CRACDL: variants seen among roughly 807,000 people sequenced by gnomAD.
CRACDL encodes the protein CRACD like, also known as CRACD-like protein.
CRACDL carries 26 observed loss-of-function variants against 70.6 expected under a neutral mutation model. That is an observed-to-expected ratio of 0.37 (90% CI 0.27 to 0.51). The LOEUF (loss-of-function observed/expected upper bound fraction) is 0.51. Among genes scored for constraint, CRACDL ranks in the 20% least tolerant of loss-of-function variants. The pLI is 0.94. For synonymous variants in CRACDL, 618 were observed against 615.2 expected, an observed-to-expected ratio of 1.00 and a Z score of -0.07; for missense variants, 1,283 against 1,376.9, an observed-to-expected ratio of 0.93 and a Z score of 1.08.
chr2:98,846,151 CA>C (rs1559230697), intron 2 of CRACDL, among the ~76,000 whole-genome samples: 2 of 152,144 alleles, frequency 1.3e-5, no homozygotes, highest in African/African-American at 4.8e-5. Flanking sequence ...ACAACTCTAT[CA>C]GGACATAAAT....
intron 7 of CRACDL, among the ~76,000 whole-genome samples, chr2:98,800,471 T>A (rs1487842314): frequency 6.6e-6 from 1 of 152,116 alleles, no homozygotes; most frequent in African/African-American, 2.4e-5. Flanking sequence ...GTGTGGAGAA[T>A]CAGTCTGACT....
At chr2:98,844,302 T>A (rs1246584033) in intron 2 of CRACDL, among the ~76,000 whole-genome samples, 2 of 152,232 alleles carry the variant, frequency 1.3e-5, no homozygotes, top group Non-Finnish European at 2.9e-5. Context: ...GCTATGCCAC[T>A]TTTCCCTGGA....
intron 1 of CRACDL, among the ~76,000 whole-genome samples, chr2:98,911,675 C>A (rs1419015230): frequency 1.3e-5 from 2 of 152,124 alleles, no homozygotes; most frequent in African/African-American, 2.4e-5. Context: ...GCCAGCCCAC[C>A]CTGATTTTGT....
chr2:98,848,063 G>C (rs1406560141), intron 1 of CRACDL, among the ~76,000 whole-genome samples: 2 of 152,134 alleles, frequency 1.3e-5, no homozygotes, highest in Non-Finnish European at 2.9e-5. Flanking sequence ...AAAACTCTTG[G>C]AACCTCACCA....
chr2:98,875,532 T>C (rs532767475), intron 1 of CRACDL, among the ~76,000 whole-genome samples: 11 of 125,506 alleles, frequency 8.8e-5, no homozygotes, highest in Middle Eastern at 7.9e-3. Flanking sequence ...AAAGTCCCAG[T>C]TGACAGACAG....
At chr2:98,868,462 G>T (rs764562931) in intron 1 of CRACDL, among the ~76,000 whole-genome samples, 2 of 152,194 alleles carry the variant, frequency 1.3e-5, no homozygotes, top group Non-Finnish European at 2.9e-5. Flanking sequence ...TCAAGCCATA[G>T]CTCTATTTCC....
At chr2:98,850,128 G>T (rs547438397) in intron 1 of CRACDL, among the ~76,000 whole-genome samples, 1 of 152,336 alleles carries the variant, frequency 6.6e-6, no homozygotes, top group East Asian at 1.9e-4. Context: ...TCACTTCAAA[G>T]TCACCATTGT....
At chr2:98,935,724 G>A (rs1444580051) in intron 1 of CRACDL, among the ~76,000 whole-genome samples, 2 of 152,196 alleles carry the variant, frequency 1.3e-5, no homozygotes, top group African/African-American at 4.8e-5. Flanking sequence ...GCACTTGCAC[G>A]AGCGCGTCCG....
chr2:98,810,617 A>G (rs1202300029), intron 7 of CRACDL, among the ~76,000 whole-genome samples: 1 of 152,216 alleles, frequency 6.6e-6, no homozygotes, highest in Non-Finnish European at 1.5e-5. Flanking sequence ...ACTGGAGGAA[A>G]AAAAACACTG....
chr2:98,816,647 G>A (rs1290290532), intron 7 of CRACDL, among the ~76,000 whole-genome samples: 2 of 152,150 alleles, frequency 1.3e-5, no homozygotes, highest in African/African-American at 4.8e-5. Flanking sequence ...TCTTGCACGA[G>A]GGGAAATGAG....
Position 98,823,280 on chromosome 2 carries a change from G to T in CRACDL, c.993C>A (p.Asp331Glu). The T allele has an allele frequency of 2.1e-6, 3 of 1,414,966 alleles. No individual in the cohort carries two copies. The highest frequency in any genetic ancestry group is 1.5e-5 in the South Asian group (1 of 65,782). 87.7% of individuals were successfully genotyped at this position (1,414,966 alleles called of 1,614,324 possible). ...CCGGGGTGGCCGGGCGGCTTGAGGG[G>T]TCCTCCCCGGGGACGCCCCCCTCCT... is the stretch of plus-strand genomic sequence containing the variant. ...SVEEGGVPGE[D>E]PSSRPATPEL... The change falls in exon 7 of 10, where the codon GAC becomes GAA. Residue 331 changes from aspartate to glutamate, a missense_variant. Transcript: ENST00000397899. The surrounding 1 kb of genome is among the most constrained non-coding windows in gnomAD (Gnocchi z 4.0).
intron 1 of CRACDL, among the ~76,000 whole-genome samples, chr2:98,930,758 G>T (rs13390678): frequency 6.6e-6 from 1 of 152,180 alleles, no homozygotes; most frequent in African/African-American, 2.4e-5. Flanking sequence ...AATGCCATCA[G>T]ATCTCAGTTA....
intron 1 of CRACDL, among the ~76,000 whole-genome samples, chr2:98,878,236 C>T (rs749328752): frequency 5.9e-5 from 9 of 152,196 alleles, no homozygotes; most frequent in African/African-American, 9.6e-5. Flanking sequence ...CATGAGCCAC[C>T]GCACCCGGCC....
At position 98,864,539 on chromosome 2, in the gene CRACDL, G is replaced by A. The variant is rs1172367614; in HGVS notation, c.-10-17729C>T. On this transcript the variant is annotated intron_variant, in intron 1 of 9. Transcript: ENST00000397899. Reference sequence around the variant, plus strand: ...CACAACTCTTTAACAAAAACCCATTGATTGTACCCTTTTTTTTTTTTTTTT... The same window carrying A: ...CACAACTCTTTAACAAAAACCCATTAATTGTACCCTTTTTTTTTTTTTTTT... Among the ~76,000 whole-genome samples, 5 of 151,280 alleles carry A rather than the reference G, an allele frequency of 3.3e-5. No individual in the cohort carries two copies. The East Asian group carries it at 9.7e-4, about 29-fold the overall frequency.
chr2:98,936,010 G>C lies in CRACDL; in HGVS notation c.-83C>G, dbSNP rs1709198474. 6.6e-6 allele frequency: 1 copy of C among 152,056 alleles called. No homozygotes were observed. Among genetic ancestry groups the C allele is most frequent in the South Asian group, 2.1e-4 (1 of 4,836 alleles). 9.4% of individuals were successfully genotyped at this position (152,056 alleles called of 1,614,324 possible). ...CACCTTCCGCGGGGTGCGGCGAGCCGGGGCTGCTCCCGCCGCGGTGCGCGT... is the reference window on the plus strand; with the variant it reads ...CACCTTCCGCGGGGTGCGGCGAGCCCGGGCTGCTCCCGCCGCGGTGCGCGT... On this transcript the variant is annotated 5_prime_UTR_variant, in exon 1 of 10. Transcript: ENST00000397899.
At chr2:98,867,555 A>C (rs1707196017) in intron 1 of CRACDL, among the ~76,000 whole-genome samples, 1 of 152,238 alleles carries the variant, frequency 6.6e-6, no homozygotes, top group Non-Finnish European at 1.5e-5. Flanking sequence ...AAAAACTATC[A>C]GAGACTTTTA....
intron 1 of CRACDL, among the ~76,000 whole-genome samples, chr2:98,905,112 T>C (rs1347018723): frequency 6.6e-6 from 1 of 151,512 alleles, no homozygotes; most frequent in Admixed American, 6.6e-5. Flanking sequence ...TAGCCGGGCA[T>C]AGTGGCGGGT....
At position 98,806,948 on chromosome 2, in the gene CRACDL, T is replaced by C. The variant is rs74954885; in HGVS notation, c.2417-9411A>G. On this transcript the variant is annotated intron_variant, in intron 7 of 9. Transcript: ENST00000397899. ...GGAGCTCAGATTTCCCTTTCTCTATTACATCTGGGCCCTCCTTCACTCAGC... is the reference window on the plus strand; with the variant it reads ...GGAGCTCAGATTTCCCTTTCTCTATCACATCTGGGCCCTCCTTCACTCAGC... Among the ~76,000 whole-genome samples, 645 of 152,262 alleles carry C rather than the reference T, an allele frequency of 4.2e-3. 5 individuals carry two copies. Among genetic ancestry groups the C allele is most frequent in the African/African-American group, 0.015 (618 of 41,526 alleles).
At chr2:98,927,057 G>A (rs941548094) in intron 1 of CRACDL, among the ~76,000 whole-genome samples, 1 of 152,226 alleles carries the variant, frequency 6.6e-6, no homozygotes, top group Non-Finnish European at 1.5e-5. Flanking sequence ...TGAAAGTCAG[G>A]CTGGGAAGTG....
Sources: allele counts gnomAD v4.1 joint callset (sites outside exome capture counted in the v4.1 genomes callset), GRCh38; gene constraint gnomAD v4.1.1; non-coding constraint Gnocchi (gnomAD v3.1); transcripts MANE v1.5; gene names NCBI Gene and HGNC (gene_info 2026-07-23, HGNC 2026-07-21).